The following ZNF282 variants were observed in gnomAD, a reference collection of about 807,000 sequenced individuals.
ZNF282 encodes the protein HTLV-I U5 repressive element-binding protein 1.
ZNF282 carries 30 observed loss-of-function variants against 61.9 expected under a neutral mutation model. The ratio of observed to expected loss-of-function variants is 0.48; its 90% confidence interval spans 0.36 to 0.66. The LOEUF (loss-of-function observed/expected upper bound fraction) is 0.66. ZNF282 is among the 30% of genes least tolerant of loss of function. ZNF282 has a pLI of 0.00. For synonymous variants in ZNF282, 396 were observed against 405.0 expected (o/e 0.98, Z 0.27); for missense variants, 788 against 941.4 (o/e 0.84, Z 2.13).
chr7:149,223,544 G>A (rs1796294296), intron 7 of ZNF282, among the ~76,000 whole-genome samples: 1 of 152,206 alleles, frequency 6.6e-6, no homozygotes, highest in Non-Finnish European at 1.5e-5. Context: ...CTGGACAGCA[G>A]GTCCCCTACC....
In ZNF282 at chr7:149,223,849, C is replaced by A; in HGVS notation, c.1218C>A (p.Ala406=). ...TGATGGTGAAGAACCCACCCCCGGC[C>A]CCGCCACAGCCCCAGCCCCAGCCCC... is the stretch of plus-strand genomic sequence containing the variant. ...SLLMVKNPPP[A]PPQPQPQPQP... The change falls in exon 8 of 8, where the codon GCC becomes GCA. Residue 406 remains alanine, a synonymous_variant. Coordinates refer to ENST00000610704, the MANE Select transcript of ZNF282 (RefSeq NM_003575.4). 6.9e-7 allele frequency: 1 copy of A among 1,459,808 alleles called. No individual in the cohort carries two copies. The highest frequency in any genetic ancestry group is 1.3e-5 in the South Asian group (1 of 75,784). 90.4% of individuals were successfully genotyped at this position (1,459,808 alleles called of 1,614,324 possible).
intron 4 of ZNF282, among the ~76,000 whole-genome samples, chr7:149,208,450 G>T (rs185778924): frequency 6.6e-6 from 1 of 151,712 alleles, no homozygotes; most frequent in African/African-American, 2.4e-5. Flanking sequence ...TGATCCACCC[G>T]CCTCGGCCTC....
rs1168790477 is a variant in ZNF282, at chr7:149,198,369, C to A, written c.202C>A (p.Pro68Thr). The A allele has an allele frequency of 6.2e-7, 1 of 1,613,492 alleles. No individual in the cohort carries two copies. The highest frequency in any genetic ancestry group is 1.3e-5 in the African/African-American group (1 of 74,916). ...EWDMDARRPM[P>T]FQFPPFPDRA... The stretch of plus-strand genomic sequence containing the variant: ...GGACATGGACGCCCGGCGGCCAATG[C>A]CTTTTCAGTTCCCACCCTTTCCAGA... The change falls in exon 2 of 8, where the codon CCT becomes ACT. Residue 68 changes from proline (P) to threonine (T), a missense_variant. Physicochemically the swap from Pro to Thr is conservative, Grantham distance 38. This residue lies in a region of ZNF282 where 137 missense variants were observed against 135.4 expected (regional missense o/e 1.01). Coordinates refer to ENST00000610704, the MANE Select transcript of ZNF282 (RefSeq NM_003575.4). The surrounding 1 kb of genome is among the most constrained non-coding windows in gnomAD (Gnocchi z 4.3).
intron 2 of ZNF282, among the ~76,000 whole-genome samples, chr7:149,201,578 C>T (rs1040917023): frequency 2.6e-5 from 4 of 152,096 alleles, no homozygotes; most frequent in Admixed American, 6.5e-5. Flanking sequence ...ATGGTGAAAC[C>T]CCATCTCTAC....
chr7:149,205,654 A>G (rs375071107), intron 2 of ZNF282, among the ~76,000 whole-genome samples: 5 of 152,234 alleles, frequency 3.3e-5, no homozygotes, highest in African/African-American at 1.2e-4. Flanking sequence ...AGTTACAAGC[A>G]CCTGGTAAAA....
intron 4 of ZNF282, among the ~76,000 whole-genome samples, chr7:149,209,457 C>G (rs945985032): frequency 1.3e-5 from 2 of 152,194 alleles, no homozygotes; most frequent in Admixed American, 1.3e-4. Context: ...GGCTCCTTCC[C>G]TGTCTTCATC....
rs1275328198 is a variant in ZNF282, at chr7:149,207,401, A to C, written c.763A>C (p.Arg255=). Reference sequence around the variant, plus strand: ...AGATGCTCCAGTCCAGGCTGAGCCCAGGGAAGAACCTTGTGTGTGGGAGCA... The same window carrying C: ...AGATGCTCCAGTCCAGGCTGAGCCCCGGGAAGAACCTTGTGTGTGGGAGCA... ...KPDAPVQAEP[R]EEPCVWEQRH... is the part of the protein sequence containing the mutation. The change falls in exon 4 of 8, where the codon AGG becomes CGG. Residue 255 remains arginine (R), a synonymous_variant. Transcript: ENST00000610704. 1 of 1,579,374 alleles carries C rather than the reference A, an allele frequency of 6.3e-7. No homozygotes were observed. The highest frequency in any genetic ancestry group is 1.8e-5 in the Admixed American group (1 of 55,694).
chr7:149,195,876 A>T, intron 1 of ZNF282, 122 bp downstream of exon 1: 9 of 926,340 alleles, frequency 9.7e-6, no homozygotes, highest in Non-Finnish European at 1.2e-5. Context: ...TTCCGCGCCC[A>T]GGCGAGGCCC....
chr7:149,207,486 G>A lies in ZNF282; in HGVS notation c.832+16G>A, dbSNP rs1403501430. On this transcript the variant is annotated intron_variant, in intron 4 of 7. Transcript: ENST00000610704. Reference sequence around the variant, plus strand: ...CCCGAAGCAGGTGATGGCAGCAGAAGAGAGTGCGGGGTCCAGGGAAGGGCG... The same window carrying A: ...CCCGAAGCAGGTGATGGCAGCAGAAAAGAGTGCGGGGTCCAGGGAAGGGCG... 3.2e-6 allele frequency: 5 copies of A among 1,557,290 alleles called. No individual in the cohort carries two copies. The East Asian group carries it at 1.2e-4, about 37-fold the overall frequency.
chr7:149,206,564 A>G (rs1003238284), intron 2 of ZNF282, 132 bp from the exon 3 acceptor site: 8 of 1,317,506 alleles, frequency 6.1e-6, no homozygotes, highest in African/African-American at 1.5e-5. Flanking sequence ...TGAGATGGAC[A>G]GTGGGGACTG....
rs1471129581 is a variant in ZNF282 at position 149,198,330 on chromosome 7, C to T, written c.166-3C>T. 1 of 1,599,172 alleles carries T rather than the reference C, an allele frequency of 6.3e-7. No homozygotes were observed. The highest frequency in any genetic ancestry group is 8.5e-7 in the Non-Finnish European group (1 of 1,171,118). On this transcript the variant is annotated splice_region_variant and splice_polypyrimidine_tract_variant and intron_variant, in intron 1 of 7. Transcript: ENST00000610704. This position sits in a 1 kb window ranked among gnomAD's most constrained non-coding sequence, Gnocchi z 4.3. ...GGTTGTCGCTTTCTCCCTCTGCATA[C>T]AGGCTCAAGAATGGGACATGGACGC...
At position 149,224,049 on chromosome 7, in the gene ZNF282, G is replaced by GGGGC; in HGVS notation, c.1421_1424dup (p.Gly476ArgfsTer76). 8.6e-7 allele frequency: 1 copy of GGGGC among 1,161,838 alleles called. No homozygotes were observed. Among genetic ancestry groups the GGGGC allele is most frequent in the Non-Finnish European group, 1.1e-6 (1 of 944,048 alleles). The allele number at this position is 1,161,838 out of a possible 1,614,324, so 72.0% of individuals were successfully genotyped here. ...CCGCCGGGTGGGGACCGCAGCACCGGGGGCGGCGGGGGCGATGGGGGCGGT... is the reference window on the plus strand; with the variant it reads ...CCGCCGGGTGGGGACCGCAGCACCGGGGGCGGGCGGCGGGGGCGATGGGGGCGGT... On this transcript the variant is annotated frameshift_variant, in exon 8 of 8. Transcript: ENST00000610704. LOFTEE classifies it high-confidence loss of function.
chr7:149,224,049 G>A lies in ZNF282; in HGVS notation c.1418G>A (p.Gly473Glu), dbSNP rs1011602560. The A allele has an allele frequency of 5.2e-5, 60 of 1,161,836 alleles. No homozygotes were observed. The highest frequency in any genetic ancestry group is 1.5e-4 in the African/African-American group (9 of 61,176). 72.0% of individuals were successfully genotyped at this position (1,161,836 alleles called of 1,614,324 possible). The change falls in exon 8 of 8, where the codon GGG (glycine) becomes GAG (glutamate). Residue 473 changes from glycine (G) to glutamate (E), a missense_variant. Gly to Glu is a moderately conservative substitution (Grantham distance 98). Coordinates refer to ENST00000610704, the MANE Select transcript of ZNF282 (RefSeq NM_003575.4). ...CCGCCGGGTGGGGACCGCAGCACCG[G>A]GGGCGGCGGGGGCGATGGGGGCGGT... ...EAPPGGDRSTGGGGGDGGGGG... is the reference protein window; with the variant it reads ...EAPPGGDRSTEGGGGDGGGGG...
At chr7:149,207,795 AG>A (rs1796020609) in intron 4 of ZNF282, among the ~76,000 whole-genome samples, 1 of 152,230 alleles carries the variant, frequency 6.6e-6, no homozygotes, top group South Asian at 2.1e-4. Context: ...AGAGGCTGAC[AG>A]AGGAGGGAAA....
chr7:149,198,915 G>A lies in ZNF282; in HGVS notation c.585+163G>A, dbSNP rs1327206141. On this transcript the variant is annotated intron_variant, in intron 2 of 7. Coordinates refer to ENST00000610704, the MANE Select transcript of ZNF282 (RefSeq NM_003575.4). The surrounding 1 kb of genome is among the most constrained non-coding windows in gnomAD (Gnocchi z 4.3). ...GTCTCCACTGAAACAACCTGGTCTT[G>A]GACGTTCTACCCCAGCAAGGCTCAC... Among the ~76,000 whole-genome samples, 1 of 152,154 alleles carries A rather than the reference G, an allele frequency of 6.6e-6. No homozygotes were observed. The highest frequency in any genetic ancestry group is 1.5e-5 in the Non-Finnish European group (1 of 68,016).
In ZNF282 at chr7:149,224,910, A is replaced by AC; in HGVS notation, c.*265dup. The AC allele has an allele frequency of 1.9e-6, 1 of 536,790 alleles. No homozygotes were observed. Among genetic ancestry groups the AC allele is most frequent in the Non-Finnish European group, 3.2e-6 (1 of 316,896 alleles). The allele number at this position is 536,790 out of a possible 1,614,324, so 33.3% of individuals were successfully genotyped here. ...GAGCGTCCTCGGGCACCGCCCTCAC[A>AC]CCTCCTCGAGTGCCCTGGGACCACT... On this transcript the variant is annotated 3_prime_UTR_variant, in exon 8 of 8. Coordinates refer to ENST00000610704, the MANE Select transcript of ZNF282 (RefSeq NM_003575.4).
intron 7 of ZNF282, among the ~76,000 whole-genome samples, chr7:149,219,808 C>T (rs570954813): frequency 6.6e-6 from 1 of 152,236 alleles, no homozygotes; most frequent in African/African-American, 2.4e-5. Context: ...GATTGTGTCA[C>T]TGCACTCCAG....
chr7:149,221,471 G>A (rs1211612295), intron 7 of ZNF282, among the ~76,000 whole-genome samples: 4 of 152,190 alleles, frequency 2.6e-5, no homozygotes, highest in African/African-American at 9.7e-5. Flanking sequence ...TGGGCTTCCC[G>A]GGAGACAGCC....
chr7:149,220,189 C>G (rs57174218), intron 7 of ZNF282, among the ~76,000 whole-genome samples: 2 of 151,884 alleles, frequency 1.3e-5, no homozygotes, highest in Non-Finnish European at 2.9e-5. Flanking sequence ...CGGGCGGATC[C>G]TGAGGTCAGG....
Sources: gnomAD v4.1 joint callset for allele counts (sites outside exome capture counted in the v4.1 genomes callset) on GRCh38, gnomAD v4.1.1 for gene constraint, gnomAD v4.1.1 regional missense constraint, Gnocchi (gnomAD v3.1) non-coding constraint, MANE v1.5 for transcripts, NCBI Gene and HGNC (gene_info 2026-07-23, HGNC 2026-07-21) for gene names.